The following LSAMP variants were observed in gnomAD, a reference collection of about 807,000 sequenced individuals.
The protein encoded by LSAMP is limbic system-associated membrane protein.
In LSAMP, 7 loss-of-function variants were observed where a neutral mutation model predicts 38.6. The observed-to-expected ratio is 0.18, with a 90% CI of 0.10 to 0.34. The LOEUF (loss-of-function observed/expected upper bound fraction) is 0.34. Among genes scored for constraint, LSAMP ranks in the 10% least tolerant of loss-of-function variants. The pLI is 1.00. For synonymous variants in LSAMP, 154 were observed against 166.8 expected, an observed-to-expected ratio of 0.92 and a Z score of 0.59; for missense variants, 313 against 420.0, an observed-to-expected ratio of 0.75 and a Z score of 2.23.
At chr3:116,409,379 G>C (rs2048941952) in intron 1 of LSAMP, among the ~76,000 whole-genome samples, 1 of 151,988 alleles carries the variant, frequency 6.6e-6, no homozygotes, top group Middle Eastern at 3.2e-3. Context: ...GTACTGCCAA[G>C]CTGCTTTGCA....
Position 116,445,009 on chromosome 3 carries a change from T to G in LSAMP, c.23A>C (p.Asp8Ala). 1 of 1,613,946 alleles carries G rather than the reference T, an allele frequency of 6.2e-7. No individual in the cohort carries two copies. The highest frequency in any genetic ancestry group is 8.5e-7 in the Non-Finnish European group (1 of 1,179,928). The change falls in exon 1 of 7, where the codon GAT (aspartate) becomes GCT (alanine). Residue 8 changes from aspartate (D) to alanine (A), a missense_variant. Asp to Ala is a moderately radical substitution (Grantham distance 126, BLOSUM62 -2). Coordinates refer to ENST00000490035, the MANE Select transcript of LSAMP (RefSeq NM_002338.5). ...TAGGACCAGTGGCAACTGTTTCCGA[T>G]CCGGCTGAACTCTCCTGACCATGGT... MVRRVQP[D>A]RKQLPLVLLR...
chr3:116,330,850 A>C (rs12639272), intron 1 of LSAMP, among the ~76,000 whole-genome samples: 4 of 152,144 alleles, frequency 2.6e-5, no homozygotes, highest in East Asian at 1.9e-4. Context: ...AATTTTCAAC[A>C]ACAAAAAATC....
chr3:116,366,690 T>C (rs2048358795), intron 1 of LSAMP, among the ~76,000 whole-genome samples: 1 of 152,200 alleles, frequency 6.6e-6, no homozygotes. Context: ...TGGTTTGTAC[T>C]AGGAGCTGGG....
chr3:116,165,423 A>T (rs561715678), intron 1 of LSAMP, among the ~76,000 whole-genome samples: 1 of 152,200 alleles, frequency 6.6e-6, no homozygotes, highest in East Asian at 1.9e-4. Flanking sequence ...TGCCCTCCAG[A>T]CCCCCCACCT....
rs533040141 is a variant in LSAMP at position 115,824,802 on chromosome 3, T to C, written c.920-14388A>G. The stretch of plus-strand genomic sequence containing the variant: ...GTTAAAACATAAAATAGATTATATA[T>C]GTCATATTTGTGTTTAAAAACATAA... On this transcript the variant is annotated intron_variant, in intron 6 of 6. Transcript: ENST00000490035. Among the ~76,000 whole-genome samples the C allele has an allele frequency of 1.1e-4, 17 of 152,250 alleles. No homozygotes were observed. The South Asian group carries it at 3.3e-3, about 30-fold the overall frequency.
chr3:116,249,405 G>A (rs1360501608), intron 1 of LSAMP, among the ~76,000 whole-genome samples: 1 of 148,230 alleles, frequency 6.7e-6, no homozygotes, highest in Non-Finnish European at 1.5e-5. Flanking sequence ...TTTTTTTTGA[G>A]ATGGGAGTCT....
chr3:115,881,902 A>G (rs1310744112), intron 3 of LSAMP, among the ~76,000 whole-genome samples: 1 of 152,152 alleles, frequency 6.6e-6, no homozygotes, highest in African/African-American at 2.4e-5. Flanking sequence ...AACTGTGATT[A>G]GTAACATCCA....
intron 1 of LSAMP, among the ~76,000 whole-genome samples, chr3:116,094,500 A>G (rs1708184406): frequency 6.6e-6 from 1 of 152,236 alleles, no homozygotes; most frequent in Admixed American, 6.5e-5. Context: ...CTATGACAGC[A>G]TCTACATGAT....
rs766650000 is a variant in LSAMP, at chr3:116,165,555, T to TAC, written c.156-79001_156-79000dup. ...GCAGATGTCTGAACACAAACACACA[T>TAC]ACACACACACACACACTTCTTTTCA... is the stretch of plus-strand genomic sequence containing the variant. On this transcript the variant is annotated intron_variant, in intron 1 of 6. Coordinates refer to ENST00000490035, the MANE Select transcript of LSAMP (RefSeq NM_002338.5). Among the ~76,000 whole-genome samples the TAC allele has an allele frequency of 7.2e-4, 109 of 151,282 alleles. 1 individual carries two copies. Among genetic ancestry groups the TAC allele is most frequent in the East Asian group, 1.7e-3 (9 of 5,158 alleles).
chr3:116,246,938 T>C (rs1402897822), intron 1 of LSAMP, among the ~76,000 whole-genome samples: 1 of 152,150 alleles, frequency 6.6e-6, no homozygotes, highest in Non-Finnish European at 1.5e-5. Flanking sequence ...TCAGGACACT[T>C]TGAAATCAAC....
intron 3 of LSAMP, among the ~76,000 whole-genome samples, chr3:116,004,516 ATATGTG>A (rs1940097616): frequency 8.3e-6 from 1 of 120,416 alleles, no homozygotes; most frequent in African/African-American, 3.3e-5. Flanking sequence ...GTGTGTATAT[ATATGTG>A]TATATATATA....
chr3:115,816,482 A>G, intron 6 of LSAMP: 1 of 457,514 alleles, frequency 2.2e-6, no homozygotes, highest in South Asian at 2.2e-5. Context: ...TTTGGAAAAA[A>G]CAGTGCTAGA....
Position 116,016,914 on chromosome 3 carries a change from C to T in LSAMP, c.514+2601G>A, listed in dbSNP as rs138776292. ...GATACATAGGCTGTGGTTTGCTGACCTCTGTTACTGACTATTGAGAATCCC... is the reference window on the plus strand; with the variant it reads ...GATACATAGGCTGTGGTTTGCTGACTTCTGTTACTGACTATTGAGAATCCC... On this transcript the variant is annotated intron_variant, in intron 3 of 6. Transcript: ENST00000490035. Among the ~76,000 whole-genome samples the T allele has an allele frequency of 7.2e-5, 11 of 152,136 alleles. No homozygotes were observed. The East Asian group carries it at 2.1e-3, about 29-fold the overall frequency.
chr3:116,335,422 C>CA (rs1344134237), intron 1 of LSAMP, among the ~76,000 whole-genome samples: 1 of 151,950 alleles, frequency 6.6e-6, no homozygotes, highest in Admixed American at 6.6e-5. Context: ...TATTTAAAAA[C>CA]AAAAACAAAA....
Position 115,809,851 on chromosome 3 carries a change from C to G in LSAMP, c.*466G>C, listed in dbSNP as rs1350289041. 1 of 153,214 alleles carries G rather than the reference C, an allele frequency of 6.5e-6. No individual in the cohort carries two copies. The highest frequency in any genetic ancestry group is 2.4e-5 in the African/African-American group (1 of 41,206). 9.5% of individuals were successfully genotyped at this position (153,214 alleles called of 1,614,324 possible). ...AGTCTGAAGTGGCTACAAGTCAGCT[C>G]AAATGAAAAATAGAATTAAAAGGTT... On this transcript the variant is annotated 3_prime_UTR_variant, in exon 7 of 7. Transcript: ENST00000490035.
intron 1 of LSAMP, among the ~76,000 whole-genome samples, chr3:116,163,730 CA>C (rs949497436): frequency 1.3e-5 from 2 of 150,400 alleles, no homozygotes; most frequent in African/African-American, 2.5e-5. Context: ...ACATCCTCTC[CA>C]AAAAAAAGAT....
At chr3:116,162,768 T>TACACACACACACACACAC (rs71141856) in intron 1 of LSAMP, among the ~76,000 whole-genome samples, 1,835 of 147,370 alleles carry the variant, frequency 0.012, 34 homozygotes, top group African/African-American at 0.042. Context: ...CACACACTTA[T>TACACACACACACACACAC]ACACACACAC....
At chr3:116,356,428 A>T (rs533610315) in intron 1 of LSAMP, among the ~76,000 whole-genome samples, 2 of 152,296 alleles carry the variant, frequency 1.3e-5, no homozygotes, top group Admixed American at 6.5e-5. Context: ...AGAGGTTTGG[A>T]AGAATGGAGG....
At chr3:115,960,371 G>A (rs1270137725) in intron 3 of LSAMP, among the ~76,000 whole-genome samples, 1 of 152,274 alleles carries the variant, frequency 6.6e-6, no homozygotes, top group South Asian at 2.1e-4. Context: ...CCCAGTCTGC[G>A]CTATTTTGTC....
Sources: gnomAD v4.1 joint callset for allele counts (sites outside exome capture counted in the v4.1 genomes callset) on GRCh38, gnomAD v4.1.1 for gene constraint, MANE v1.5 for transcripts, NCBI Gene and HGNC (gene_info 2026-07-23, HGNC 2026-07-21) for gene names.